CBLB: variants seen among roughly 807,000 people sequenced by gnomAD.
CBLB encodes the protein E3 ubiquitin-protein ligase CBL-B.
In CBLB, 31 loss-of-function variants were observed where a neutral mutation model predicts 104.9. The observed-to-expected ratio is 0.30, with a 90% CI of 0.22 to 0.40. The LOEUF (loss-of-function observed/expected upper bound fraction) is 0.40. CBLB is among the 10% of genes least tolerant of loss of function. The pLI is 1.00. For missense variants in CBLB, 1,062 were observed against 1,214.6 expected (o/e 0.87, Z 1.87); for synonymous variants, 440 against 422.6 (o/e 1.04, Z -0.51).
At chr3:105,757,167 G>C (rs959076028) in intron 4 of CBLB, among the ~76,000 whole-genome samples, 9 of 152,058 alleles carry the variant, frequency 5.9e-5, no homozygotes, top group Non-Finnish European at 1.2e-4. Flanking sequence ...TATATATCCA[G>C]TTTCTGTGTT....
At chr3:105,698,605 CAAAAAAAAAA>C (rs34896633) in intron 12 of CBLB, among the ~76,000 whole-genome samples, 2 of 80,818 alleles carry the variant, frequency 2.5e-5, no homozygotes, top group African/African-American at 9.7e-5. Context: ...ACCATTTGAC[CAAAAAAAAAA>C]AAAAAAAAAA....
chr3:105,746,056 TAA>T lies in CBLB; in HGVS notation c.724-20_724-19del, dbSNP rs755489900. The stretch of plus-strand genomic sequence containing the variant: ...CCCCAAGGCTAAAAAATAAAAAAAT[TAA>T]AAGAGATTAGTATCTAGAGAATATC... On this transcript the variant is annotated intron_variant, in intron 5 of 18. Transcript: ENST00000394030. 1.2e-5 allele frequency: 19 copies of T among 1,531,112 alleles called. No homozygotes were observed. Among genetic ancestry groups the T allele is most frequent in the Admixed American group, 1.7e-5 (1 of 59,730 alleles). The allele number at this position is 1,531,112 out of a possible 1,614,324, so 94.8% of individuals were successfully genotyped here.
intron 4 of CBLB, chr3:105,762,388 CAGGCCTGG>C (rs1468317489): frequency 6.6e-6 from 1 of 152,276 alleles, no homozygotes; most frequent in East Asian, 1.9e-4. Flanking sequence ...TCTCTCATCA[CAGGCCTGG>C]AGGCCTAGGA....
At chr3:105,755,016 CTTT>C (rs67405809) in intron 4 of CBLB, among the ~76,000 whole-genome samples, 3,275 of 143,744 alleles carry the variant, frequency 0.023, 107 homozygotes, top group African/African-American at 0.08. Flanking sequence ...AGTATCTTTT[CTTT>C]TTTTTTTTTT....
chr3:105,665,440 T>TACACAC (rs1306160019), intron 18 of CBLB, among the ~76,000 whole-genome samples: 1 of 70,868 alleles, frequency 1.4e-5, no homozygotes, highest in African/African-American at 4.3e-5. Context: ...TATATATATA[T>TACACAC]ATACACACAC....
At chr3:105,662,262 T>G (rs1195631912) in intron 18 of CBLB, among the ~76,000 whole-genome samples, 1 of 152,202 alleles carries the variant, frequency 6.6e-6, no homozygotes, top group African/African-American at 2.4e-5. Context: ...CTCATTTACT[T>G]TAGCACTTTC....
intron 3 of CBLB, among the ~76,000 whole-genome samples, chr3:105,786,150 A>T (rs2080994378): frequency 6.6e-6 from 1 of 151,806 alleles, no homozygotes; most frequent in African/African-American, 2.4e-5. Flanking sequence ...GTTCTATTAA[A>T]TTAAAAGGCT....
intron 3 of CBLB, among the ~76,000 whole-genome samples, chr3:105,822,460 G>A (rs1377531132): frequency 6.6e-6 from 1 of 152,078 alleles, no homozygotes; most frequent in African/African-American, 2.4e-5. Context: ...TTATGAATTG[G>A]ATCTCCCTCT....
At chr3:105,853,286 C>T (rs2091192327) in intron 3 of CBLB, 128 bp downstream of exon 3, 1 of 897,404 alleles carries the variant, frequency 1.1e-6, no homozygotes, top group African/African-American at 1.6e-5. Flanking sequence ...CGTTAAGTAC[C>T]ACATGACTAT....
At chr3:105,727,254 G>C (rs748185058) in intron 9 of CBLB, among the ~76,000 whole-genome samples, 1 of 152,170 alleles carries the variant, frequency 6.6e-6, no homozygotes, top group Non-Finnish European at 1.5e-5. Flanking sequence ...TCTAACTGGC[G>C]TGAGATGGTT....
At chr3:105,822,404 A>G (rs2085997323) in intron 3 of CBLB, among the ~76,000 whole-genome samples, 1 of 152,166 alleles carries the variant, frequency 6.6e-6, no homozygotes, top group Non-Finnish European at 1.5e-5. Flanking sequence ...ATGTCTTTCC[A>G]TGGCTGGTCA....
At chr3:105,662,715 T>C (rs998420528) in intron 18 of CBLB, among the ~76,000 whole-genome samples, 1 of 152,198 alleles carries the variant, frequency 6.6e-6, no homozygotes, top group East Asian at 1.9e-4. Context: ...AAAAACTAAA[T>C]ATTGTCCTCT....
At chr3:105,709,194 A>G (rs2070698432) in intron 10 of CBLB, among the ~76,000 whole-genome samples, 1 of 152,000 alleles carries the variant, frequency 6.6e-6, no homozygotes, top group Non-Finnish European at 1.5e-5. Flanking sequence ...CAAACTTAAA[A>G]TTTAATTTAA....
chr3:105,765,493 T>C (rs1037156499), intron 4 of CBLB, among the ~76,000 whole-genome samples: 1 of 152,168 alleles, frequency 6.6e-6, no homozygotes, highest in Non-Finnish European at 1.5e-5. Context: ...TTCAGAACTA[T>C]GAGAAATAAA....
intron 12 of CBLB, among the ~76,000 whole-genome samples, chr3:105,695,749 C>T (rs2068285099): frequency 1.3e-5 from 2 of 151,722 alleles, no homozygotes; most frequent in South Asian, 4.1e-4. Context: ...TGATGTTTGG[C>T]ATCTGATAAT....
chr3:105,780,918 C>T (rs2080185859), intron 3 of CBLB, among the ~76,000 whole-genome samples: 1 of 151,944 alleles, frequency 6.6e-6, no homozygotes, highest in Non-Finnish European at 1.5e-5. Context: ...CCTCGGCCTC[C>T]CAAAGTACTG....
rs554132152 is a variant in CBLB, at chr3:105,796,763, G to GCA, written c.420-20223_420-20222dup. Among the ~76,000 whole-genome samples the GCA allele has an allele frequency of 1.2e-4, 18 of 152,228 alleles. 1 individual carries two copies. The South Asian group carries it at 3.3e-3, about 28-fold the overall frequency. The stretch of plus-strand genomic sequence containing the variant: ...AAAAAACAACCCCATTAAAAAGTGG[G>GCA]CAAAGAACATGAACAAACGCTTTTC... On this transcript the variant is annotated intron_variant, in intron 3 of 18. Coordinates refer to ENST00000394030, the MANE Select transcript of CBLB (RefSeq NM_170662.5).
At chr3:105,673,666 T>C (rs947230555) in intron 17 of CBLB, 1 of 152,232 alleles carries the variant, frequency 6.6e-6, no homozygotes, top group Non-Finnish European at 1.5e-5. Flanking sequence ...TGTAATGATC[T>C]ACCATTGGTT....
At chr3:105,745,868 T>C (rs1163287907) in intron 6 of CBLB, 49 bp downstream of exon 6, 1 of 1,563,184 alleles carries the variant, frequency 6.4e-7, no homozygotes, top group African/African-American at 1.4e-5. Flanking sequence ...CCATGGAGAA[T>C]TTTTCATCTT....
Sources: allele counts gnomAD v4.1 joint callset (sites outside exome capture counted in the v4.1 genomes callset), GRCh38; gene constraint gnomAD v4.1.1; transcripts MANE v1.5; gene names NCBI Gene and HGNC (gene_info 2026-07-23, HGNC 2026-07-21).